UBE2B: variants seen among roughly 807,000 people sequenced by gnomAD.
The protein encoded by UBE2B is ubiquitin conjugating enzyme E2 B, also known as ubiquitin-conjugating enzyme E2 B.
Under a neutral mutation model 24.6 loss-of-function variants are expected in UBE2B, and 11 were observed. The ratio of observed to expected loss-of-function variants is 0.45; its 90% CI spans 0.28 to 0.74. The LOEUF (loss-of-function observed/expected upper bound fraction) is 0.74, where lower values mean the gene tolerates loss of function less well. UBE2B is among the 30% of genes least tolerant of loss of function. UBE2B has a pLI of 0.13. For missense variants in UBE2B, 78 were observed against 185.6 expected, an observed-to-expected ratio of 0.42 and a Z score of 3.37; for synonymous variants, 68 against 62.4, an observed-to-expected ratio of 1.09 and a Z score of -0.42.
intron 4 of UBE2B, among the ~76,000 whole-genome samples, chr5:134,385,409 T>A (rs1266136315): frequency 6.6e-6 from 1 of 152,186 alleles, no homozygotes; most frequent in Admixed American, 6.5e-5. Context: ...AATCACAGTG[T>A]TTAAGTGTGA....
At chr5:134,382,296 C>CA (rs35911965) in intron 4 of UBE2B, among the ~76,000 whole-genome samples, 6,421 of 150,624 alleles carry the variant, frequency 0.043, 204 homozygotes, top group Non-Finnish European at 0.062. Context: ...CTATAAAAAA[C>CA]AAAAAAAATA....
chr5:134,371,750 C>A, intron 1 of UBE2B, 111 bp downstream of exon 1: 1 of 1,503,510 alleles, frequency 6.7e-7, no homozygotes, highest in Non-Finnish European at 9.1e-7. Flanking sequence ...GGCTGTGGGC[C>A]CAGCGGGACT....
At chr5:134,386,699 C>G (rs935344442) in intron 4 of UBE2B, among the ~76,000 whole-genome samples, 1 of 151,686 alleles carries the variant, frequency 6.6e-6, no homozygotes, top group Admixed American at 6.6e-5. Context: ...CCACTACTTA[C>G]ATTTTGACAT....
rs1013285256 is a variant in UBE2B at position 134,391,274 on chromosome 5, A to T, written c.*921A>T. On this transcript the variant is annotated 3_prime_UTR_variant, in exon 6 of 6. Coordinates refer to ENST00000265339, the MANE Select transcript of UBE2B (RefSeq NM_003337.4). ...ACATATTGGAGGGAAATCTTGGTGT[A>T]ACTTAAATATTTGAAAATTACCTTT... is the stretch of plus-strand genomic sequence containing the variant. 6.6e-6 allele frequency: 1 copy of T among 152,392 alleles called. No homozygotes were observed. Among genetic ancestry groups the T allele is most frequent in the Non-Finnish European group, 1.5e-5 (1 of 68,034 alleles). The allele number at this position is 152,392 out of a possible 1,614,324, so 9.4% of individuals were successfully genotyped here. A position where few individuals can be genotyped will look rare whatever the true frequency, so the allele number is the denominator to read the frequency against.
chr5:134,371,737 G>A (rs1758433080), intron 1 of UBE2B, 98 bp downstream of exon 1: 2 of 1,548,140 alleles, frequency 1.3e-6, no homozygotes, highest in African/African-American at 1.4e-5. Context: ...CCCTCAGAGG[G>A]CCGGCTGTGG....
intron 4 of UBE2B, among the ~76,000 whole-genome samples, chr5:134,386,899 T>C (rs963943439): frequency 1.4e-4 from 21 of 152,086 alleles, no homozygotes; most frequent in African/African-American, 5.1e-4. Context: ...TATGAATGTA[T>C]CAGTTGTTTA....
chr5:134,380,683 C>A, intron 3 of UBE2B, 36 bp from the exon 4 acceptor site: 1 of 1,250,536 alleles, frequency 8.0e-7, no homozygotes, highest in Non-Finnish European at 1.2e-6. Context: ...AAAAGTCGTG[C>A]TTGTCTTTAC....
chr5:134,390,126 G>A lies in UBE2B; in HGVS notation c.331-99G>A. ...GACATGTTAATCTCTGAAGTAATTT[G>A]TTGTTTTGTATAACTTTTCTGTAAT... On this transcript the variant is annotated intron_variant, in intron 5 of 5. Transcript: ENST00000265339. The surrounding 1 kb of genome is among the most constrained non-coding windows in gnomAD (Gnocchi z 4.6). 1 of 1,429,100 alleles carries A rather than the reference G, an allele frequency of 7.0e-7. No individual in the cohort carries two copies. Among genetic ancestry groups the A allele is most frequent in the Non-Finnish European group, 9.7e-7 (1 of 1,029,840 alleles). 88.5% of individuals were successfully genotyped at this position (1,429,100 alleles called of 1,614,324 possible). A position where few individuals can be genotyped will look rare whatever the true frequency, so the allele number is the denominator to read the frequency against.
intron 4 of UBE2B, among the ~76,000 whole-genome samples, chr5:134,384,835 C>G (rs1203836147): frequency 1.3e-5 from 2 of 152,016 alleles, no homozygotes; most frequent in Non-Finnish European, 2.9e-5. Context: ...TCTTAGCAGT[C>G]AACTCTGTTT....
At chr5:134,389,843 G>T in intron 5 of UBE2B, 1 of 271,756 alleles carries the variant, frequency 3.7e-6, no homozygotes, top group Non-Finnish European at 7.2e-6. Context: ...CACCACACCC[G>T]ACCTCTTTTT....
chr5:134,380,928 C>A, intron 4 of UBE2B, 120 bp downstream of exon 4: 1 of 561,690 alleles, frequency 1.8e-6, no homozygotes, highest in Non-Finnish European at 3.3e-6. Flanking sequence ...GCTTCCATGT[C>A]CATGTGAGCC....
At chr5:134,375,961 C>T (rs1390400020) in intron 2 of UBE2B, among the ~76,000 whole-genome samples, 5 of 151,924 alleles carry the variant, frequency 3.3e-5, no homozygotes, top group Admixed American at 6.6e-5. Context: ...AAGCAGGACA[C>T]TTGGGTTTAG....
In UBE2B at chr5:134,380,722, CT is replaced by C; in HGVS notation, c.159del (p.Phe53LeufsTer3). On this transcript the variant is annotated frameshift_variant, in exon 4 of 6. Coordinates refer to ENST00000265339, the MANE Select transcript of UBE2B (RefSeq NM_003337.4). LOFTEE classifies it high-confidence loss of function. ...AATTATTTTGTTTTCTCTCTAGGTA[CT>C]TTTAAACTAGTAATAGAATTTTCTG... The part of the protein sequence containing the change: ...GPEGTPFEDG[T>X]FKLVIEFSEE... 6.5e-7 allele frequency: 1 copy of C among 1,530,788 alleles called. No homozygotes were observed. The highest frequency in any genetic ancestry group is 9.0e-7 in the Non-Finnish European group (1 of 1,105,778). 94.8% of individuals were successfully genotyped at this position (1,530,788 alleles called of 1,614,324 possible). A position where few individuals can be genotyped will look rare whatever the true frequency, so the allele number is the denominator to read the frequency against.
At chr5:134,377,164 G>A (rs779848723) in intron 3 of UBE2B, among the ~76,000 whole-genome samples, 52 of 152,274 alleles carry the variant, frequency 3.4e-4, no homozygotes, top group Non-Finnish European at 5.4e-4. Flanking sequence ...CTCAAGTTGG[G>A]TATTTTCATC....
intron 4 of UBE2B, 68 bp downstream of exon 4, chr5:134,380,876 T>C (rs1758696571): frequency 9.1e-7 from 1 of 1,098,948 alleles, no homozygotes; most frequent in Non-Finnish European, 1.4e-6. Flanking sequence ...CTTTTAGCTC[T>C]TTCACCTTAC....
At chr5:134,374,592 A>G (rs1337620225) in intron 2 of UBE2B, 129 bp downstream of exon 2, 1 of 1,043,736 alleles carries the variant, frequency 9.6e-7, no homozygotes, top group Admixed American at 2.2e-5. Context: ...TGCAAGATAA[A>G]TTAGAAAAAA....
chr5:134,374,822 G>C (rs1758572063), intron 2 of UBE2B, among the ~76,000 whole-genome samples: 1 of 152,074 alleles, frequency 6.6e-6, no homozygotes, highest in Non-Finnish European at 1.5e-5. Flanking sequence ...CATACCTGTG[G>C]TCCCAGCTAC....
At chr5:134,371,973 C>T (rs551898605) in intron 1 of UBE2B, among the ~76,000 whole-genome samples, 2 of 152,378 alleles carry the variant, frequency 1.3e-5, no homozygotes, top group East Asian at 3.9e-4. Context: ...CACCCTGCGG[C>T]GCCCCCTTCT....
Position 134,377,661 on chromosome 5 carries a change from T to TC in UBE2B, c.151+968dup, listed in dbSNP as rs531687480. ...AGGTACTTAAGGACGTTACCTTTTT[T>TC]CTCTACATCAAGGGTTCTCAAGTGT... On this transcript the variant is annotated intron_variant, in intron 3 of 5. Transcript: ENST00000265339. Among the ~76,000 whole-genome samples, 13 of 152,216 alleles carry TC rather than the reference T, an allele frequency of 8.5e-5. No homozygotes were observed. In the South Asian group the frequency reaches 2.7e-3, roughly 32 times the overall value.
Sources: allele counts gnomAD v4.1 joint callset (sites outside exome capture counted in the v4.1 genomes callset), GRCh38; gene constraint gnomAD v4.1.1; non-coding constraint Gnocchi (gnomAD v3.1); transcripts MANE v1.5; gene names NCBI Gene and HGNC (gene_info 2026-07-23, HGNC 2026-07-21).